The following RMST variants were observed in gnomAD, a reference collection of about 807,000 sequenced individuals.
RMST encodes long intergenic non-protein coding RNA 54.
chr12:97,540,953 T>TATAGAC (rs1555233720), intron 11 of RMST, among the ~76,000 whole-genome samples: 1 of 101,558 alleles, frequency 9.8e-6, no homozygotes, highest in Non-Finnish European at 1.8e-5. Flanking sequence ...TAGATATAGA[T>TATAGAC]ATAGATATAG....
intron 10 of RMST, among the ~76,000 whole-genome samples, chr12:97,505,622 C>T (rs1470012018): frequency 6.6e-6 from 1 of 152,252 alleles, no homozygotes; most frequent in Non-Finnish European, 1.5e-5. Flanking sequence ...ACAAAACGCA[C>T]ATATTTGCTA....
At chr12:97,503,751 T>C (rs1878352337) in intron 10 of RMST, among the ~76,000 whole-genome samples, 2 of 152,276 alleles carry the variant, frequency 1.3e-5, no homozygotes, top group Admixed American at 6.5e-5. Flanking sequence ...TTCAGGAAAG[T>C]GGAAAAAGTC....
intron 5 of RMST, among the ~76,000 whole-genome samples, chr12:97,472,041 G>A (rs892619970): frequency 1.6e-4 from 25 of 152,040 alleles, no homozygotes; most frequent in Admixed American, 3.9e-4. Context: ...AAAAGCTCCT[G>A]GAGTCCTCTG....
At chr12:97,540,086 T>C (rs12312506) in intron 11 of RMST, among the ~76,000 whole-genome samples, 13,840 of 151,710 alleles carry the variant, frequency 0.091, 1,258 homozygotes, top group African/African-American at 0.23. Flanking sequence ...GCTTGGCGTA[T>C]CCTGATTTCC....
rs146037808 is a variant in RMST, at chr12:97,496,741, C to A, written n.1340+685C>A. ...AGAAAGAGTGAGGAAAAACATTAGC[C>A]CTGCTCCCTGAATAGTAATGGGCTG... is the stretch of plus-strand genomic sequence containing the variant. On this transcript the variant is annotated intron_variant and non_coding_transcript_variant, in intron 10 of 13. Coordinates refer to ENST00000640149, the Ensembl canonical transcript of RMST. Among the ~76,000 whole-genome samples, 456 of 152,170 alleles carry A rather than the reference C, an allele frequency of 3.0e-3. 2 individuals are homozygous for A. The highest frequency in any genetic ancestry group is 0.01 in the African/African-American group (433 of 41,500).
chr12:97,498,944 G>A (rs1877764446), intron 10 of RMST, among the ~76,000 whole-genome samples: 1 of 152,168 alleles, frequency 6.6e-6, no homozygotes, highest in African/African-American at 2.4e-5. Context: ...GTCTGACAGT[G>A]TGATCTACCC....
At chr12:97,479,133 C>CTT (rs386377507) in intron 5 of RMST, among the ~76,000 whole-genome samples, 33,295 of 69,108 alleles carry the variant, frequency 0.48, 10,011 homozygotes, top group Middle Eastern at 0.52. Flanking sequence ...CTTGTCTTTG[C>CTT]TTTTTTTTTT....
At chr12:97,504,514 G>T (rs1056376964) in intron 10 of RMST, among the ~76,000 whole-genome samples, 2 of 150,934 alleles carry the variant, frequency 1.3e-5, no homozygotes, top group Non-Finnish European at 2.9e-5. Flanking sequence ...TTTTATGTCA[G>T]TATTTTCATC....
intron 5 of RMST, among the ~76,000 whole-genome samples, chr12:97,470,566 A>G (rs938686656): frequency 6.6e-6 from 1 of 152,042 alleles, no homozygotes; most frequent in African/African-American, 2.4e-5. Flanking sequence ...TAGAGATATC[A>G]TTAAGGAATA....
intron 5 of RMST, among the ~76,000 whole-genome samples, chr12:97,490,836 G>C (rs1234135692): frequency 6.6e-6 from 1 of 152,286 alleles, no homozygotes; most frequent in East Asian, 1.9e-4. Context: ...TTGGAAGTTT[G>C]CACCCAGCGA....
intron 11 of RMST, among the ~76,000 whole-genome samples, chr12:97,556,465 G>A (rs1172955040): frequency 6.6e-6 from 1 of 152,186 alleles, no homozygotes; most frequent in Non-Finnish European, 1.5e-5. Flanking sequence ...TCATGAAAGT[G>A]TTGGATGTCA....
intron 11 of RMST, among the ~76,000 whole-genome samples, chr12:97,559,651 A>T (rs1159710941): frequency 6.6e-6 from 1 of 152,152 alleles, no homozygotes; most frequent in Non-Finnish European, 1.5e-5. Flanking sequence ...GGAACTCAGG[A>T]TTTTTCTCAG....
At chr12:97,499,531 A>C (rs1202514467) in intron 10 of RMST, among the ~76,000 whole-genome samples, 2 of 152,212 alleles carry the variant, frequency 1.3e-5, no homozygotes, top group African/African-American at 4.8e-5. Context: ...TGGAAATAGA[A>C]GGCTCTGCCC....
In RMST at chr12:97,535,691, T is replaced by A. The variant is rs550104500; in HGVS notation, n.1545+4832T>A. On this transcript the variant is annotated intron_variant and non_coding_transcript_variant, in intron 11 of 13. Transcript: ENST00000640149. ...CCACTTTGCTAAAACTTGGAGACTA[T>A]GAGAACAGGATTCTTGCAAGATGAA... Among the ~76,000 whole-genome samples the A allele has an allele frequency of 2.0e-5, 3 of 151,736 alleles. No homozygotes were observed. The South Asian group carries it at 6.2e-4, about 31-fold the overall frequency.
intron 5 of RMST, among the ~76,000 whole-genome samples, chr12:97,473,716 G>A (rs564110783): frequency 2.0e-5 from 3 of 152,108 alleles, no homozygotes; most frequent in African/African-American, 7.2e-5. Context: ...AAAGAGCTTT[G>A]GTATTGGTTC....
At chr12:97,503,435 A>G (rs1421013322) in intron 10 of RMST, among the ~76,000 whole-genome samples, 1 of 150,212 alleles carries the variant, frequency 6.7e-6, no homozygotes, top group African/African-American at 2.5e-5. Context: ...CCTTTCTATT[A>G]TTGTTTATTT....
chr12:97,468,823 T>C (rs2136382101), intron 5 of RMST, among the ~76,000 whole-genome samples: 1 of 152,122 alleles, frequency 6.6e-6, no homozygotes, highest in Non-Finnish European at 1.5e-5. Context: ...TCCTCCCATA[T>C]GGATTTAGAA....
intron 5 of RMST, among the ~76,000 whole-genome samples, chr12:97,482,608 TTTA>T (rs1245191478): frequency 3.4e-5 from 5 of 147,718 alleles, no homozygotes; most frequent in Admixed American, 6.8e-5. Context: ...TTAAAATTTA[TTTA>T]TTATTTAATT....
chr12:97,504,728 C>T (rs1878482873), intron 10 of RMST, among the ~76,000 whole-genome samples: 1 of 152,174 alleles, frequency 6.6e-6, no homozygotes, highest in African/African-American at 2.4e-5. Flanking sequence ...GGGTCACTTA[C>T]ATTTATTTTA....
Sources: gnomAD v4.1 joint callset for allele counts (sites outside exome capture counted in the v4.1 genomes callset) on GRCh38, gnomAD v4.1.1 for gene constraint, MANE v1.5 for transcripts, NCBI Gene and HGNC (gene_info 2026-07-23, HGNC 2026-07-21) for gene names.